The following NBEA variants were observed in gnomAD, a reference collection of about 807,000 sequenced individuals.
The protein encoded by NBEA is neurobeachin.
Under a neutral mutation model 343.4 loss-of-function variants are expected in NBEA, and 44 were observed. That is an observed-to-expected ratio of 0.13 (90% confidence interval 0.10 to 0.16). The LOEUF (loss-of-function observed/expected upper bound fraction) is 0.16, where lower values mean the gene tolerates loss of function less well. Among genes scored for constraint, NBEA ranks in the 10% least tolerant of loss-of-function variants. The pLI is 1.00. For synonymous variants in NBEA, 1,175 were observed against 1,238.7 expected, an observed-to-expected ratio of 0.95 and a Z score of 1.08; for missense variants, 2,555 against 3,631.3, an observed-to-expected ratio of 0.70 and a Z score of 7.62.
At chr13:34,982,236 G>T (rs4254185) in intron 1 of NBEA, among the ~76,000 whole-genome samples, 105 of 151,948 alleles carry the variant, frequency 6.9e-4, no homozygotes, top group African/African-American at 2.5e-3. Context: ...GAATTTAATA[G>T]AATTTTGATC....
At chr13:35,185,523 A>T (rs1231026418) in intron 30 of NBEA, 1 of 152,146 alleles carries the variant, frequency 6.6e-6, no homozygotes, top group East Asian at 1.9e-4. Context: ...AAACTGTGCA[A>T]ACCAAAAAAA....
intron 1 of NBEA, among the ~76,000 whole-genome samples, chr13:34,995,186 C>T (rs1298216572): frequency 2.0e-5 from 3 of 152,196 alleles, no homozygotes; most frequent in Non-Finnish European, 4.4e-5. Flanking sequence ...GGTGTGGTGG[C>T]TCATGCCTGT....
intron 20 of NBEA, among the ~76,000 whole-genome samples, chr13:35,156,799 A>C (rs973209212): frequency 6.6e-6 from 1 of 152,172 alleles, no homozygotes; most frequent in Non-Finnish European, 1.5e-5. Flanking sequence ...TGTTAAGTAC[A>C]TTGTGAGTGC....
At chr13:35,614,509 A>G (rs190537360) in intron 48 of NBEA, among the ~76,000 whole-genome samples, 1 of 152,354 alleles carries the variant, frequency 6.6e-6, no homozygotes, top group African/African-American at 2.4e-5. Flanking sequence ...CATTGTATCA[A>G]GCCCTTATTA....
At position 35,476,272 on chromosome 13, in the gene NBEA, C is replaced by G. The variant is rs577942257; in HGVS notation, c.6585+3736C>G. On this transcript the variant is annotated intron_variant, in intron 41 of 58. Coordinates refer to ENST00000379939, the MANE Select transcript of NBEA (RefSeq NM_001385012.1). ...TCAGAAATGGATCAAAAATGCCTTT[C>G]GGAAGTGCTGCAGCGTTGGTTTCCC... The G allele has an allele frequency of 2.3e-5, 33 of 1,440,260 alleles. No individual in the cohort carries two copies. In the African/African-American group the frequency reaches 3.9e-4, roughly 17 times the overall value. The allele number at this position is 1,440,260 out of a possible 1,614,324, so 89.2% of individuals were successfully genotyped here. A position where few individuals can be genotyped will look rare whatever the true frequency, so the allele number is the denominator to read the frequency against.
chr13:35,207,884 C>T (rs1191733002), intron 31 of NBEA, among the ~76,000 whole-genome samples: 1 of 151,950 alleles, frequency 6.6e-6, no homozygotes, highest in Non-Finnish European at 1.5e-5. Context: ...ATTTATTATT[C>T]CTTGGTTTAA....
chr13:35,341,829 A>C (rs2039603382), intron 36 of NBEA, among the ~76,000 whole-genome samples: 1 of 152,096 alleles, frequency 6.6e-6, no homozygotes, highest in South Asian at 2.1e-4. Context: ...GTTACTCGAC[A>C]AGTTAAACAT....
chr13:35,120,697 A>G (rs1447612217), intron 16 of NBEA, among the ~76,000 whole-genome samples: 2 of 129,354 alleles, frequency 1.5e-5, no homozygotes, highest in Non-Finnish European at 3.0e-5. Context: ...ATAACAGAAC[A>G]CTGAAGTAAG....
chr13:35,436,254 A>T (rs570364754), intron 39 of NBEA, among the ~76,000 whole-genome samples: 1 of 152,346 alleles, frequency 6.6e-6, no homozygotes, highest in Admixed American at 6.5e-5. Flanking sequence ...ATAGACTAAC[A>T]TCCAAATGAC....
intron 10 of NBEA, among the ~76,000 whole-genome samples, chr13:35,085,693 C>A (rs2064716439): frequency 6.6e-6 from 1 of 152,150 alleles, no homozygotes; most frequent in African/African-American, 2.4e-5. Flanking sequence ...TACCCTCTCT[C>A]ACCACTCCTG....
At chr13:35,634,167 A>G (rs1317273807) in intron 49 of NBEA, among the ~76,000 whole-genome samples, 1 of 152,056 alleles carries the variant, frequency 6.6e-6, no homozygotes, top group Non-Finnish European at 1.5e-5. Flanking sequence ...ACACGGTGAA[A>G]CCCCATCTCT....
At position 35,671,443 on chromosome 13, in the gene NBEA, A is replaced by T. The variant is rs945675297; in HGVS notation, c.*452A>T. 1.3e-5 allele frequency: 2 copies of T among 154,008 alleles called. No individual in the cohort carries two copies. The highest frequency in any genetic ancestry group is 4.8e-5 in the African/African-American group (2 of 41,430). The allele number at this position is 154,008 out of a possible 1,614,324, so 9.5% of individuals were successfully genotyped here. A position where few individuals can be genotyped will look rare whatever the true frequency, so the allele number is the denominator to read the frequency against. ...TTGTACATCAGATGCATCTTATTTA[A>T]AAGGGATACTTTTGTAAAAGTAAAA... On this transcript the variant is annotated 3_prime_UTR_variant, in exon 59 of 59. Coordinates refer to ENST00000379939, the MANE Select transcript of NBEA (RefSeq NM_001385012.1).
At chr13:35,158,162 C>T (rs2069307042) in intron 21 of NBEA, among the ~76,000 whole-genome samples, 1 of 152,010 alleles carries the variant, frequency 6.6e-6, no homozygotes, top group Non-Finnish European at 1.5e-5. Flanking sequence ...CCAACCCCCA[C>T]TTTTGGGACT....
intron 1 of NBEA, among the ~76,000 whole-genome samples, chr13:35,004,392 T>C (rs1354782550): frequency 6.6e-6 from 1 of 152,166 alleles, no homozygotes; most frequent in African/African-American, 2.4e-5. Flanking sequence ...ATGTAGATCA[T>C]TCATATGGTC....
intron 47 of NBEA, among the ~76,000 whole-genome samples, chr13:35,598,457 GAAAT>G (rs1192828145): frequency 6.6e-6 from 1 of 152,186 alleles, no homozygotes; most frequent in Non-Finnish European, 1.5e-5. Context: ...GTTTCCAGAA[GAAAT>G]AAACATGGTT....
intron 30 of NBEA, among the ~76,000 whole-genome samples, chr13:35,184,608 A>T (rs2071558344): frequency 6.6e-6 from 1 of 152,136 alleles, no homozygotes; most frequent in African/African-American, 2.4e-5. Context: ...AAAATCAGTG[A>T]ATAGAAACAG....
At chr13:35,031,283 G>A (rs2062207466) in intron 1 of NBEA, among the ~76,000 whole-genome samples, 1 of 151,646 alleles carries the variant, frequency 6.6e-6, no homozygotes, top group African/African-American at 2.4e-5. Context: ...GTGACAGACT[G>A]AAGTCAGTTG....
At chr13:35,289,802 A>G (rs542232059) in intron 34 of NBEA, among the ~76,000 whole-genome samples, 5 of 151,826 alleles carry the variant, frequency 3.3e-5, no homozygotes, top group African/African-American at 1.2e-4. Context: ...TTCTTCTGCT[A>G]TCTATTTGGG....
At chr13:35,275,291 A>C (rs1566553071) in intron 34 of NBEA, among the ~76,000 whole-genome samples, 1 of 151,134 alleles carries the variant, frequency 6.6e-6, no homozygotes, top group Non-Finnish European at 1.5e-5. Context: ...TGCTGGGAAA[A>C]CTAGCCATAT....
Sources: allele counts gnomAD v4.1 joint callset (sites outside exome capture counted in the v4.1 genomes callset), GRCh38; gene constraint gnomAD v4.1.1; transcripts MANE v1.5; gene names NCBI Gene and HGNC (gene_info 2026-07-23, HGNC 2026-07-21).